Variants in CDH11 observed in about 807,000 individuals in gnomAD.
CDH11 encodes cadherin 11.
CDH11 carries 11 observed loss-of-function variants against 67.8 expected under a neutral mutation model. The observed-to-expected ratio is 0.16, with a 90% CI of 0.10 to 0.27. The LOEUF is 0.27. Ranked by LOEUF, CDH11 falls within the 10% of genes least tolerant of loss-of-function variation. CDH11 has a pLI of 1.00. For synonymous variants in CDH11, 419 were observed against 400.0 expected (o/e 1.05, Z -0.57); for missense variants, 847 against 1,031.2 (o/e 0.82, Z 2.45).
intron 1 of CDH11, among the ~76,000 whole-genome samples, chr16:65,106,799 G>A (rs1157240556): frequency 6.6e-6 from 1 of 152,128 alleles, no homozygotes; most frequent in Non-Finnish European, 1.5e-5. Context: ...ATGGATCTGG[G>A]AAACACAACT....
At chr16:65,111,260 A>G (rs2075150858) in intron 1 of CDH11, among the ~76,000 whole-genome samples, 1 of 152,218 alleles carries the variant, frequency 6.6e-6, no homozygotes, top group South Asian at 2.1e-4. Flanking sequence ...TTATAGATTA[A>G]TATCATTTAA....
intron 2 of CDH11, among the ~76,000 whole-genome samples, chr16:65,020,490 C>G (rs79564977): frequency 2.0e-5 from 3 of 152,066 alleles, no homozygotes; most frequent in African/African-American, 4.8e-5. Flanking sequence ...CAACCACACC[C>G]AGCTAATTTT....
At chr16:64,953,857 T>C (rs1038884400) in intron 11 of CDH11, among the ~76,000 whole-genome samples, 16 of 152,214 alleles carry the variant, frequency 1.1e-4, no homozygotes, top group African/African-American at 3.9e-4. Context: ...AGAAAACTCT[T>C]TGATATGGGT....
At chr16:65,064,495 G>A (rs2074282436) in intron 1 of CDH11, among the ~76,000 whole-genome samples, 1 of 152,148 alleles carries the variant, frequency 6.6e-6, no homozygotes, top group Non-Finnish European at 1.5e-5. Context: ...GACACAACAG[G>A]GGCCCCACCA....
At position 64,945,475 on chromosome 16, in the gene CDH11, T is replaced by C. The variant is rs557456646; in HGVS notation, c.*2128A>G. The C allele has an allele frequency of 1.1e-5, 11 of 1,034,482 alleles. No individual in the cohort carries two copies. The highest frequency in any genetic ancestry group is 4.5e-4 in the Middle Eastern group (1 of 2,246). The allele number at this position is 1,034,482 out of a possible 1,614,324, so 64.1% of individuals were successfully genotyped here. A position where few individuals can be genotyped will look rare whatever the true frequency, so the allele number is the denominator to read the frequency against. ...ATGGTGACAGGGTTACTTACAGCTG[T>C]ATACTTATTTAAATGCTATTCATAT... On this transcript the variant is annotated 3_prime_UTR_variant, in exon 13 of 13. Transcript: ENST00000268603.
intron 8 of CDH11, among the ~76,000 whole-genome samples, chr16:64,979,975 C>T (rs898198268): frequency 1.3e-5 from 2 of 152,148 alleles, no homozygotes; most frequent in Non-Finnish European, 2.9e-5. Context: ...CATAAGACCA[C>T]ATGTTGTATT....
chr16:65,102,592 T>C (rs7187376), intron 1 of CDH11, among the ~76,000 whole-genome samples: 21,197 of 152,230 alleles, frequency 0.14, 1,612 homozygotes, highest in East Asian at 0.21. Context: ...CCCTTGCATG[T>C]TGCGATTTTT....
At chr16:64,995,032 C>T (rs192008416) in intron 4 of CDH11, among the ~76,000 whole-genome samples, 4 of 152,214 alleles carry the variant, frequency 2.6e-5, no homozygotes, top group South Asian at 2.1e-4. Context: ...AGGAGAATTT[C>T]GAAACACTGC....
intron 12 of CDH11, among the ~76,000 whole-genome samples, chr16:64,948,960 G>A (rs996109658): frequency 1.6e-4 from 25 of 152,168 alleles, no homozygotes; most frequent in African/African-American, 5.3e-4. Flanking sequence ...CCAGCTGAGC[G>A]CCCCTCTGGC....
At chr16:65,100,217 G>A (rs1312200142) in intron 1 of CDH11, among the ~76,000 whole-genome samples, 1 of 152,084 alleles carries the variant, frequency 6.6e-6, no homozygotes, top group Non-Finnish European at 1.5e-5. Context: ...TCATATTTAA[G>A]AGTTTGCTAA....
At chr16:64,977,909 A>C (rs1369621564) in intron 8 of CDH11, among the ~76,000 whole-genome samples, 1 of 152,250 alleles carries the variant, frequency 6.6e-6, no homozygotes, top group Non-Finnish European at 1.5e-5. Flanking sequence ...TTTCCTCAGA[A>C]GAATCAGTGT....
At chr16:65,078,186 G>A (rs2074548664) in intron 1 of CDH11, among the ~76,000 whole-genome samples, 1 of 152,334 alleles carries the variant, frequency 6.6e-6, no homozygotes, top group East Asian at 1.9e-4. Context: ...GACACTGAAA[G>A]TGAAATTTCA....
At chr16:64,998,970 T>C in intron 3 of CDH11, 114 bp from the exon 4 acceptor site, 1 of 841,344 alleles carries the variant, frequency 1.2e-6, no homozygotes, top group South Asian at 1.7e-5. Flanking sequence ...GAAAGGGAGA[T>C]GTTCTCATCT....
intron 11 of CDH11, among the ~76,000 whole-genome samples, chr16:64,955,308 GGCGCAT>G (rs2071478969): frequency 6.6e-6 from 1 of 152,108 alleles, no homozygotes; most frequent in Non-Finnish European, 1.5e-5. Flanking sequence ...TGGGTGTGGT[GGCGCAT>G]GCCTATAATT....
intron 2 of CDH11, among the ~76,000 whole-genome samples, chr16:65,016,776 G>C (rs941341625): frequency 9.2e-5 from 14 of 152,268 alleles, no homozygotes; most frequent in African/African-American, 3.1e-4. Context: ...TCAAACAGTG[G>C]CTACTCCATA....
intron 1 of CDH11, among the ~76,000 whole-genome samples, chr16:65,098,871 AGTC>A (rs1004186103): frequency 2.0e-5 from 3 of 152,030 alleles, no homozygotes. Flanking sequence ...TGGGGCGTGT[AGTC>A]TTCTAAATTT....
rs199842037 is a variant in CDH11, at chr16:65,060,354, T to TAGAGAG, written c.-297-6432_-297-6427dup. 7.6e-5 allele frequency among the ~76,000 whole-genome samples: 11 copies of TAGAGAG among 145,062 alleles called. No homozygotes were observed. In the South Asian group the frequency reaches 8.8e-4, roughly 12 times the overall value. Reference sequence around the variant, plus strand: ...TAAAATTTGCATATATATATATATATAGAGAGAGAGAGAGAGAGACTATAT... The same window carrying TAGAGAG: ...TAAAATTTGCATATATATATATATATAGAGAGAGAGAGAGAGAGAGAGAGACTATAT... On this transcript the variant is annotated intron_variant, in intron 1 of 12. Transcript: ENST00000268603.
At chr16:65,079,015 G>A (rs1004351567) in intron 1 of CDH11, among the ~76,000 whole-genome samples, 2 of 152,196 alleles carry the variant, frequency 1.3e-5, no homozygotes, top group Non-Finnish European at 2.9e-5. Context: ...GCTAAAAGTG[G>A]CCTGAGTCAT....
chr16:65,032,229 G>A (rs908876303), intron 2 of CDH11, among the ~76,000 whole-genome samples: 1 of 151,116 alleles, frequency 6.6e-6, no homozygotes, highest in African/African-American at 2.4e-5. Context: ...GTTCATGCCT[G>A]TAATCTCAGC....
Sources: allele counts gnomAD v4.1 joint callset (sites outside exome capture counted in the v4.1 genomes callset), GRCh38; gene constraint gnomAD v4.1.1; transcripts MANE v1.5; gene names NCBI Gene and HGNC (gene_info 2026-07-23, HGNC 2026-07-21).